Variants in OSBPL9 observed in about 807,000 individuals in gnomAD.
OSBPL9 encodes the protein oxysterol binding protein like 9.
A neutral mutation model predicts 106.6 loss-of-function variants in OSBPL9; 40 were observed. That is an observed-to-expected ratio of 0.38 (90% CI 0.29 to 0.49). The LOEUF (loss-of-function observed/expected upper bound fraction) is 0.49. OSBPL9 is among the 20% of genes least tolerant of loss of function. The pLI, the probability that OSBPL9 is intolerant of heterozygous loss-of-function variation, is 0.97. For missense variants in OSBPL9, 609 were observed against 887.2 expected, an observed-to-expected ratio of 0.69 and a Z score of 3.98; for synonymous variants, 269 against 295.4, an observed-to-expected ratio of 0.91 and a Z score of 0.92.
At chr1:51,667,301 A>G (rs772112527) in intron 2 of OSBPL9, among the ~76,000 whole-genome samples, 4 of 152,212 alleles carry the variant, frequency 2.6e-5, no homozygotes, top group Admixed American at 2.0e-4. Flanking sequence ...CCATCATCAT[A>G]GTCAATTTTA....
At chr1:51,557,958 C>T in the OSBPL9 span, among the ~76,000 whole-genome samples, 1 of 152,144 alleles carries the variant, frequency 6.6e-6, no homozygotes, top group Non-Finnish European at 1.5e-5. Flanking sequence ...TCATTCCTGG[C>T]CATAGGCCAA....
intron 15 of OSBPL9, among the ~76,000 whole-genome samples, chr1:51,780,810 G>T (rs139344026): frequency 5.3e-5 from 8 of 152,228 alleles, no homozygotes; most frequent in African/African-American, 1.4e-4. Flanking sequence ...CAAGGGGAAG[G>T]GTGGGAGGGG....
chr1:51,720,792 A>ATTTTTTTTT (rs34137715), intron 4 of OSBPL9, among the ~76,000 whole-genome samples: 2 of 101,134 alleles, frequency 2.0e-5, no homozygotes, highest in African/African-American at 4.0e-5. Flanking sequence ...TCAAATTGGA[A>ATTTTTTTTT]TTTTTTTTTT....
the OSBPL9 span, among the ~76,000 whole-genome samples, chr1:51,520,981 C>T: frequency 3.9e-5 from 6 of 152,210 alleles, no homozygotes; most frequent in Non-Finnish European, 7.3e-5. Context: ...TAACCACAAC[C>T]GGTGTTTCTA....
chr1:51,714,702 ATT>A (rs1375385570), intron 4 of OSBPL9, among the ~76,000 whole-genome samples: 4 of 152,218 alleles, frequency 2.6e-5, no homozygotes, highest in Non-Finnish European at 5.9e-5. Flanking sequence ...TCAGCCTCCC[ATT>A]TTTGGAACCG....
intron 8 of OSBPL9, among the ~76,000 whole-genome samples, chr1:51,751,253 A>C (rs982336410): frequency 6.6e-6 from 1 of 151,904 alleles, no homozygotes; most frequent in Non-Finnish European, 1.5e-5. Context: ...CGCCTGGCTA[A>C]TTCTTATATT....
At chr1:51,582,814 T>C (rs892949741) in intron 1 of OSBPL9, 2 of 152,150 alleles carry the variant, frequency 1.3e-5, no homozygotes, top group Non-Finnish European at 2.9e-5. Flanking sequence ...CCGGGTGCAG[T>C]GGCTCATACC....
intron 12 of OSBPL9, 24 bp downstream of exon 12, chr1:51,766,005 A>C: frequency 6.4e-7 from 1 of 1,553,342 alleles, no homozygotes. Flanking sequence ...CAGAATATGT[A>C]TTTAAATGAT....
intron 1 of OSBPL9, among the ~76,000 whole-genome samples, chr1:51,590,495 C>T (rs773330142): frequency 6.6e-6 from 1 of 151,454 alleles, no homozygotes; most frequent in Non-Finnish European, 1.5e-5. Context: ...TGGCGGGCAC[C>T]TGTATTCCCA....
At chr1:51,558,097 G>A in the OSBPL9 span, among the ~76,000 whole-genome samples, 640 of 152,214 alleles carry the variant, frequency 4.2e-3, no homozygotes, top group East Asian at 0.013. Context: ...TGGCTAACAC[G>A]GTGAAACCCC....
At chr1:51,664,958 G>A (rs551457450) in intron 2 of OSBPL9, among the ~76,000 whole-genome samples, 15 of 152,154 alleles carry the variant, frequency 9.9e-5, no homozygotes, top group Non-Finnish European at 1.3e-4. Context: ...TCAATAGCTG[G>A]CAGCATTAAC....
intron 4 of OSBPL9, among the ~76,000 whole-genome samples, chr1:51,741,549 A>C (rs1216859221): frequency 7.3e-4 from 85 of 116,544 alleles, no homozygotes; most frequent in African/African-American, 8.8e-4. Flanking sequence ...CCCTCCCCCA[A>C]CCTCTCTTTC....
At chr1:51,603,968 A>G (rs748216621) in intron 2 of OSBPL9, among the ~76,000 whole-genome samples, 6 of 152,206 alleles carry the variant, frequency 3.9e-5, no homozygotes, top group Admixed American at 1.3e-4. Flanking sequence ...AGGTATCCCA[A>G]TGGAGGGGTG....
chr1:51,655,656 A>T (rs1240427209), intron 2 of OSBPL9, among the ~76,000 whole-genome samples: 1 of 152,240 alleles, frequency 6.6e-6, no homozygotes, highest in Non-Finnish European at 1.5e-5. Context: ...TGTGAGAGTC[A>T]TTCTTAAAAT....
intron 1 of OSBPL9, among the ~76,000 whole-genome samples, chr1:51,595,215 G>A (rs890489248): frequency 2.6e-5 from 4 of 152,142 alleles, no homozygotes; most frequent in African/African-American, 7.2e-5. Flanking sequence ...GGAGCGGCAG[G>A]GGAGGGTCTC....
At position 51,582,145 on chromosome 1, in the gene OSBPL9, C is replaced by T. The variant is rs557622312; in HGVS notation, c.-423+4889C>T. On this transcript the variant is annotated intron_variant, in intron 1 of 25. Coordinates refer to the OSBPL9 transcript ENST00000371714. ...TTCAAACCATAAGTGTATAGTTTAA[C>T]GAAATTTTAAGAAGAGAAATTTAAG... Among the ~76,000 whole-genome samples the T allele has an allele frequency of 1.2e-4, 19 of 152,120 alleles. No homozygotes were observed. The South Asian group carries it at 3.9e-3, about 32-fold the overall frequency.
the OSBPL9 span, among the ~76,000 whole-genome samples, chr1:51,528,830 C>T: frequency 4.0e-5 from 6 of 150,724 alleles, no homozygotes; most frequent in South Asian, 2.1e-4. Context: ...CCCCAGATTC[C>T]GCCACTGCAC....
intron 4 of OSBPL9, among the ~76,000 whole-genome samples, chr1:51,720,704 C>T (rs4926560): frequency 5.3e-5 from 8 of 151,482 alleles, no homozygotes; most frequent in African/African-American, 1.9e-4. Flanking sequence ...ATTCTTTGGG[C>T]TAAGAAATTG....
intron 8 of OSBPL9, 94 bp from the exon 9 acceptor site, chr1:51,756,226 C>G: frequency 9.9e-7 from 1 of 1,008,950 alleles, no homozygotes; most frequent in Non-Finnish European, 1.5e-6. Flanking sequence ...AACATTATTA[C>G]TTACCTAGTA....
Sources: gnomAD v4.1 joint callset for allele counts (sites outside exome capture counted in the v4.1 genomes callset) on GRCh38, gnomAD v4.1.1 for gene constraint, MANE v1.5 for transcripts, NCBI Gene and HGNC (gene_info 2026-07-23, HGNC 2026-07-21) for gene names.